UBE2U: variants seen among roughly 807,000 people sequenced by gnomAD.
UBE2U encodes the protein ubiquitin conjugating enzyme E2 U.
In UBE2U, 39 loss-of-function variants were observed where a neutral mutation model predicts 41.2. The observed-to-expected ratio is 0.95, with a 90% confidence interval of 0.73 to 1.24. The LOEUF (loss-of-function observed/expected upper bound fraction) is 1.24. Among genes scored for constraint, UBE2U ranks in the 50% most tolerant of loss-of-function variants. The probability of loss-of-function intolerance (pLI) is 0.00; values close to 1 mark genes in which losing one functional copy is unlikely to be tolerated. For missense variants in UBE2U, 336 were observed against 363.1 expected (o/e 0.93, Z 0.61); for synonymous variants, 107 against 117.8 (o/e 0.91, Z 0.60).
chr1:64,214,778 A>T lies in UBE2U; in HGVS notation c.340-37A>T, dbSNP rs1172749633. On this transcript the variant is annotated intron_variant, in intron 4 of 9. Transcript: ENST00000371077. ...TGTCGTTTTGCTCTAAAAAAAGTTT[A>T]CTTCTGAAATTATATGTTGTCTGTG... 7 of 1,568,384 alleles carry T rather than the reference A, an allele frequency of 4.5e-6. No homozygotes were observed. In the African/African-American group the frequency reaches 5.4e-5, roughly 12 times the overall value.
At chr1:64,233,494 G>T (rs945620649) in intron 7 of UBE2U, among the ~76,000 whole-genome samples, 2 of 152,156 alleles carry the variant, frequency 1.3e-5, no homozygotes, top group African/African-American at 4.8e-5. Flanking sequence ...TAACAGAAAA[G>T]TTCCCAATCT....
intron 8 of UBE2U, among the ~76,000 whole-genome samples, chr1:64,252,374 G>A (rs570508219): frequency 6.6e-6 from 1 of 152,292 alleles, no homozygotes; most frequent in South Asian, 2.1e-4. Context: ...CCCCCTCAAT[G>A]CAGCACATCT....
chr1:64,224,377 A>C (rs762219712), intron 6 of UBE2U, among the ~76,000 whole-genome samples: 20 of 152,212 alleles, frequency 1.3e-4, no homozygotes, highest in Non-Finnish European at 2.1e-4. Context: ...TTAGGCAATA[A>C]TGTCCAAAAA....
At position 64,206,786 on chromosome 1, in the gene UBE2U, A is replaced by G. The variant is rs1221042532; in HGVS notation, c.171A>G (p.Ile57Met). Residue 57 changes from isoleucine (I) to methionine (M), a missense_variant, in exon 3 of 10, where the codon ATA (isoleucine) becomes ATG (methionine). By Grantham distance (10) the Ile-to-Met change is conservative. Coordinates refer to ENST00000371077, the MANE Select transcript of UBE2U (RefSeq NM_001366232.2). ...TAGGTTTAGTCTTCCAACTGACAAT[A>G]CATTTTACATCGGAGTACAACTATG... Reference protein sequence around the residue: ...VWQGLVFQLTIHFTSEYNYAP... With the variant: ...VWQGLVFQLTMHFTSEYNYAP... 1.3e-6 allele frequency: 2 copies of G among 1,599,904 alleles called. No individual in the cohort carries two copies. The highest frequency in any genetic ancestry group is 2.2e-5 in the South Asian group (2 of 89,230).
intron 9 of UBE2U, 22 bp from the exon 10 acceptor site, chr1:64,267,002 T>C (rs1173706335): frequency 6.5e-7 from 1 of 1,533,362 alleles, no homozygotes; most frequent in Non-Finnish European, 8.8e-7. Context: ...TAAATTTCTA[T>C]TTTTTATAAT....
chr1:64,234,537 T>C (rs1644631324), intron 7 of UBE2U, among the ~76,000 whole-genome samples: 1 of 152,222 alleles, frequency 6.6e-6, no homozygotes, highest in Admixed American at 6.6e-5. Context: ...AGTACTAAGC[T>C]TAATAAATAT....
intron 7 of UBE2U, 64 bp from the exon 8 acceptor site, chr1:64,241,588 T>C (rs1430743610): frequency 6.7e-6 from 8 of 1,201,960 alleles, no homozygotes; most frequent in Non-Finnish European, 9.5e-6. Context: ...ATTTTTAACT[T>C]TTAACTATTA....
intron 6 of UBE2U, among the ~76,000 whole-genome samples, chr1:64,225,868 A>G (rs962773802): frequency 1.3e-5 from 2 of 152,256 alleles, no homozygotes; most frequent in Non-Finnish European, 2.9e-5. Flanking sequence ...ATTTGTTGGT[A>G]AAGATATGGA....
chr1:64,226,139 A>C (rs2100355069), intron 6 of UBE2U, among the ~76,000 whole-genome samples: 1 of 152,382 alleles, frequency 6.6e-6, no homozygotes, highest in Admixed American at 6.5e-5. Context: ...TTGAATGCAT[A>C]AATAAATTGT....
At chr1:64,255,735 A>C (rs1243973594) in intron 8 of UBE2U, among the ~76,000 whole-genome samples, 1 of 152,174 alleles carries the variant, frequency 6.6e-6, no homozygotes, top group Non-Finnish European at 1.5e-5. Context: ...CACCGCTCCT[A>C]TTCAACATAG....
At chr1:64,242,342 T>TCC (rs1644849601) in intron 8 of UBE2U, among the ~76,000 whole-genome samples, 3 of 152,176 alleles carry the variant, frequency 2.0e-5, no homozygotes, top group Non-Finnish European at 4.4e-5. Context: ...AGATGCCATT[T>TCC]CAGTTCTGTG....
rs192028028 is a variant in UBE2U, at chr1:64,247,284, G to C, written c.677+5551G>C. ...ATTTCTGGTTGTAGCACAAAATCCA[G>C]TGGAACCACCCCTACTATAAACACC... On this transcript the variant is annotated intron_variant, in intron 8 of 9. Coordinates refer to ENST00000371077, the MANE Select transcript of UBE2U (RefSeq NM_001366232.2). Among the ~76,000 whole-genome samples, 485 of 152,244 alleles carry C rather than the reference G, an allele frequency of 3.2e-3. 2 individuals are homozygous for C. The highest frequency in any genetic ancestry group is 4.2e-3 in the Non-Finnish European group (287 of 68,014).
At chr1:64,229,645 A>G (rs865830254) in intron 6 of UBE2U, among the ~76,000 whole-genome samples, 3 of 152,218 alleles carry the variant, frequency 2.0e-5, no homozygotes, top group African/African-American at 4.8e-5. Context: ...GGAAGGTTCC[A>G]ACCAGAGATA....
chr1:64,223,746 G>A (rs775051025), intron 6 of UBE2U, among the ~76,000 whole-genome samples: 5 of 152,200 alleles, frequency 3.3e-5, no homozygotes, highest in African/African-American at 4.8e-5. Flanking sequence ...ATTGGGAGAC[G>A]AACATATAAA....
chr1:64,205,791 T>C (rs12407030), intron 2 of UBE2U, 71 bp downstream of exon 2: 14 of 1,279,690 alleles, frequency 1.1e-5, no homozygotes, highest in African/African-American at 1.5e-5. Context: ...CCTCTTTTTA[T>C]GTAGGATAAG....
intron 5 of UBE2U, among the ~76,000 whole-genome samples, chr1:64,217,860 A>G (rs1043734847): frequency 3.9e-5 from 6 of 152,250 alleles, no homozygotes; most frequent in Non-Finnish European, 7.3e-5. Flanking sequence ...TGATAATTCT[A>G]CAAATACATC....
Position 64,220,870 on chromosome 1 carries a change from A to T in UBE2U, c.469A>T (p.Ser157Cys). The T allele has an allele frequency of 6.2e-7, 1 of 1,607,262 alleles. No homozygotes were observed. Among genetic ancestry groups the T allele is most frequent in the South Asian group, 1.1e-5 (1 of 89,214 alleles). Residue 157 changes from serine (S) to cysteine (C), a missense_variant, in exon 6 of 10, where the codon AGC becomes TGC. Transcript: ENST00000371077. ...TTTTTTCTTTATAGTGAAAGATGAC[A>T]GCCAGGAGTTACCTAAAGACCCACG... is the stretch of plus-strand genomic sequence containing the variant. The part of the protein sequence containing the change: ...FNRPLQMKDD[S>C]QELPKDPRKC...
chr1:64,215,074 A>G (rs1259401995), intron 5 of UBE2U, 142 bp downstream of exon 5: 2 of 567,828 alleles, frequency 3.5e-6, no homozygotes, highest in African/African-American at 3.8e-5. Flanking sequence ...CTCTACTAAA[A>G]TACAGAATTA....
chr1:64,232,238 G>T (rs552773493), intron 6 of UBE2U, among the ~76,000 whole-genome samples: 32 of 152,220 alleles, frequency 2.1e-4, no homozygotes, highest in African/African-American at 6.5e-4. Flanking sequence ...CAGGTATAAC[G>T]CTTTGCTTAG....
Sources: gnomAD v4.1 joint callset for allele counts (sites outside exome capture counted in the v4.1 genomes callset) on GRCh38, gnomAD v4.1.1 for gene constraint, MANE v1.5 for transcripts, NCBI Gene and HGNC (gene_info 2026-07-23, HGNC 2026-07-21) for gene names.